The following AGTPBP1 variants were observed in gnomAD, a reference collection of about 807,000 sequenced individuals.
AGTPBP1 encodes the protein cytosolic carboxypeptidase 1.
Under a neutral mutation model 143.9 loss-of-function variants are expected in AGTPBP1, and 70 were observed. That is an observed-to-expected ratio of 0.49 (90% CI 0.40 to 0.59). The LOEUF (loss-of-function observed/expected upper bound fraction) is 0.59, where lower values mean the gene tolerates loss of function less well. AGTPBP1 is among the 20% of genes least tolerant of loss of function. The pLI, the probability that AGTPBP1 is intolerant of heterozygous loss-of-function variation, is 0.00. For missense variants in AGTPBP1, 1,229 were observed against 1,464.5 expected (o/e 0.84, Z 2.62); for synonymous variants, 463 against 500.2 (o/e 0.93, Z 0.99).
chr9:85,625,915 T>TTG (rs1391319091), intron 14 of AGTPBP1, among the ~76,000 whole-genome samples: 6 of 148,952 alleles, frequency 4.0e-5, no homozygotes, highest in Non-Finnish European at 7.4e-5. Flanking sequence ...TTTTTTTTTT[T>TTG]TTTTTTTTTA....
chr9:85,760,132 T>C, the AGTPBP1 span, among the ~76,000 whole-genome samples: 6 of 152,220 alleles, frequency 3.9e-5, no homozygotes, highest in Admixed American at 3.9e-4. Flanking sequence ...AATTAGTAGC[T>C]TACCAACCGA....
chr9:85,804,732 T>C, the AGTPBP1 span, among the ~76,000 whole-genome samples: 5 of 152,228 alleles, frequency 3.3e-5, no homozygotes, highest in Admixed American at 6.5e-5. Context: ...CACTACGACC[T>C]GATGGAGAAC....
the AGTPBP1 span, among the ~76,000 whole-genome samples, chr9:85,800,281 A>C: frequency 6.6e-6 from 1 of 152,130 alleles, no homozygotes; most frequent in Non-Finnish European, 1.5e-5. Context: ...TCTTTAGAAA[A>C]CATTCACAGT....
chr9:85,667,430 GA>G (rs1246735394), intron 8 of AGTPBP1, among the ~76,000 whole-genome samples: 1 of 151,640 alleles, frequency 6.6e-6, no homozygotes, highest in African/African-American at 2.4e-5. Context: ...ATAAACACAG[GA>G]AAAAAATAAA....
At chr9:85,721,439 T>C (rs1003233328) in intron 1 of AGTPBP1, among the ~76,000 whole-genome samples, 7 of 152,084 alleles carry the variant, frequency 4.6e-5, no homozygotes, top group Non-Finnish European at 1.0e-4. Flanking sequence ...TCTCTTTTGA[T>C]CTTTGTTGGT....
chr9:85,711,815 C>T (rs183400558), intron 2 of AGTPBP1, among the ~76,000 whole-genome samples: 9 of 152,108 alleles, frequency 5.9e-5, no homozygotes, highest in Non-Finnish European at 1.0e-4. Flanking sequence ...CATAACTACT[C>T]GAATTCACCA....
At chr9:85,742,396 G>C (rs1824419021), upstream of AGTPBP1, among the ~76,000 whole-genome samples, 1 of 151,764 alleles carries the variant, frequency 6.6e-6, no homozygotes, top group African/African-American at 2.4e-5. Flanking sequence ...TCTTAGGAAG[G>C]GTTCTTAAAG....
intron 13 of AGTPBP1, among the ~76,000 whole-genome samples, chr9:85,641,187 G>A (rs1832439774): frequency 2.0e-5 from 3 of 152,130 alleles, no homozygotes; most frequent in Admixed American, 2.0e-4. Context: ...CGGATAAGGG[G>A]GGCCTACCGT....
chr9:85,627,989 TG>T (rs1288611295), intron 14 of AGTPBP1, among the ~76,000 whole-genome samples: 1 of 152,238 alleles, frequency 6.6e-6, no homozygotes, highest in African/African-American at 2.4e-5. Context: ...ACACAGGGGC[TG>T]GTGCCCCAAC....
intron 3 of AGTPBP1, among the ~76,000 whole-genome samples, chr9:85,691,927 T>C (rs1048282403): frequency 6.6e-6 from 1 of 152,208 alleles, no homozygotes; most frequent in Non-Finnish European, 1.5e-5. Context: ...ATGCTTCTCA[T>C]GTAAATCTCA....
At chr9:85,604,356 G>A (rs1281752763) in intron 17 of AGTPBP1, among the ~76,000 whole-genome samples, 1 of 152,296 alleles carries the variant, frequency 6.6e-6, no homozygotes, top group East Asian at 1.9e-4. Flanking sequence ...GTATCTCACC[G>A]AAGGCCACAA....
At chr9:85,691,541 G>GTGTGTT (rs1255699320) in intron 3 of AGTPBP1, among the ~76,000 whole-genome samples, 98 of 150,050 alleles carry the variant, frequency 6.5e-4, no homozygotes, top group African/African-American at 2.2e-3. Flanking sequence ...AAGAGGGTGT[G>GTGTGTT]TGTGTGTGTG....
intron 3 of AGTPBP1, among the ~76,000 whole-genome samples, chr9:85,681,745 CTTTTTTTTTT>C (rs1204253430): frequency 1.9e-5 from 2 of 105,914 alleles, no homozygotes; most frequent in African/African-American, 7.9e-5. Context: ...GCATTAATAT[CTTTTTTTTTT>C]TTTTTTTTTT....
At chr9:85,674,800 C>T (rs1318590548) in intron 6 of AGTPBP1, among the ~76,000 whole-genome samples, 2 of 152,322 alleles carry the variant, frequency 1.3e-5, no homozygotes, top group South Asian at 4.1e-4. Context: ...AATAAATACA[C>T]AAACTATGTA....
At chr9:85,568,982 T>C (rs752596467) in intron 25 of AGTPBP1, among the ~76,000 whole-genome samples, 2 of 151,846 alleles carry the variant, frequency 1.3e-5, no homozygotes, top group Non-Finnish European at 2.9e-5. Flanking sequence ...TATTTTGGAG[T>C]TGTCAACATA....
chr9:85,741,654 G>C, intron 1 of AGTPBP1, 121 bp downstream of exon 1: 1 of 1,250,086 alleles, frequency 8.0e-7, no homozygotes, highest in Non-Finnish European at 1.0e-6. Flanking sequence ...CGTCAGGTAA[G>C]GGGCGCAGGG....
intron 19 of AGTPBP1, among the ~76,000 whole-genome samples, chr9:85,590,363 T>C (rs1377882990): frequency 2.6e-5 from 4 of 152,154 alleles, no homozygotes; most frequent in African/African-American, 7.2e-5. Context: ...CATAAACATA[T>C]ATATTCCTAA....
chr9:85,729,878 A>T (rs565952526), intron 1 of AGTPBP1, among the ~76,000 whole-genome samples: 1 of 152,278 alleles, frequency 6.6e-6, no homozygotes, highest in South Asian at 2.1e-4. Flanking sequence ...AAGACAAGAG[A>T]CCTAAAAGTT....
chr9:85,773,300 A>G, the AGTPBP1 span, among the ~76,000 whole-genome samples: 4 of 135,268 alleles, frequency 3.0e-5, no homozygotes, highest in East Asian at 8.5e-4. Context: ...AGTGTCATCA[A>G]TTCAGAATTC....
Sources: allele counts gnomAD v4.1 joint callset (sites outside exome capture counted in the v4.1 genomes callset), GRCh38; gene constraint gnomAD v4.1.1; transcripts MANE v1.5; gene names NCBI Gene and HGNC (gene_info 2026-07-23, HGNC 2026-07-21).